Variants in SBF2 observed in about 807,000 individuals in gnomAD.
The protein encoded by SBF2 is myotubularin-related protein 13.
SBF2 carries 112 observed loss-of-function variants against 225.2 expected under a neutral mutation model. The observed-to-expected ratio is 0.50, with a 90% CI of 0.43 to 0.58. SBF2 has a LOEUF of 0.58. Among genes scored for constraint, SBF2 ranks in the 20% least tolerant of loss-of-function variants. The pLI is 0.00. For missense variants in SBF2, 1,996 were observed against 2,206.2 expected, an observed-to-expected ratio of 0.90 and a Z score of 1.91; for synonymous variants, 763 against 773.3, an observed-to-expected ratio of 0.99 and a Z score of 0.22.
At chr11:9,838,526 T>G (rs1002823492) in intron 26 of SBF2, 1 of 152,220 alleles carries the variant, frequency 6.6e-6, no homozygotes, top group Admixed American at 6.5e-5. Flanking sequence ...TTTTCAGAAC[T>G]TCATGCAAAA....
intron 31 of SBF2, chr11:9,808,603 C>CAA: frequency 2.4e-6 from 1 of 412,930 alleles, no homozygotes; most frequent in South Asian, 2.2e-5. Flanking sequence ...GATGGACTGA[C>CAA]AAAACCCAGG....
intron 2 of SBF2, among the ~76,000 whole-genome samples, chr11:10,161,773 C>G (rs2135211588): frequency 6.8e-6 from 1 of 147,460 alleles, no homozygotes; most frequent in East Asian, 2.0e-4. Context: ...CAAGACCAGC[C>G]CAGGCAACAT....
chr11:10,084,079 G>A lies in SBF2; in HGVS notation c.142-41098C>T, dbSNP rs535874919. Among the ~76,000 whole-genome samples, 23 of 152,288 alleles carry A rather than the reference G, an allele frequency of 1.5e-4. No homozygotes were observed. In the South Asian group the frequency reaches 3.9e-3, roughly 26 times the overall value. On this transcript the variant is annotated intron_variant, in intron 2 of 39. Transcript: ENST00000256190. ...TGAACAAACAGTCTGCAAAATGGCA[G>A]AAAATGTTTGCAAAGTATCTATCCA...
At chr11:9,801,250 T>C (rs1345785007) in intron 32 of SBF2, among the ~76,000 whole-genome samples, 1 of 152,226 alleles carries the variant, frequency 6.6e-6, no homozygotes, top group Non-Finnish European at 1.5e-5. Flanking sequence ...CTTAAAAGAC[T>C]AAACTGCATG....
chr11:10,180,667 C>A (rs922279967), intron 2 of SBF2, among the ~76,000 whole-genome samples: 1 of 152,116 alleles, frequency 6.6e-6, no homozygotes, highest in South Asian at 2.1e-4. Flanking sequence ...CTTTCTACCC[C>A]TATCTCTCTC....
Position 9,895,967 on chromosome 11 carries a change from G to T in SBF2, c.1905C>A (p.Leu635=). ...CCCTATAGAAAGCACTGGTCAAAGG[G>T]AGTAATGCTGCGGCAATGTTGTATT... ...LEEYNIAAAL[L]PLTSAFYRKL... Residue 635 remains leucine, a synonymous_variant, in exon 17 of 40, where the codon CTC becomes CTA. Transcript: ENST00000256190. 6.2e-7 allele frequency: 1 copy of T among 1,613,168 alleles called. No individual in the cohort carries two copies. The highest frequency in any genetic ancestry group is 1.1e-5 in the South Asian group (1 of 91,036).
At chr11:10,225,139 G>A (rs779309207) in intron 1 of SBF2, among the ~76,000 whole-genome samples, 1 of 151,986 alleles carries the variant, frequency 6.6e-6, no homozygotes, top group Admixed American at 6.6e-5. Context: ...CGTTGTCCCT[G>A]ATAATCTATG....
intron 2 of SBF2, among the ~76,000 whole-genome samples, chr11:10,175,040 C>A (rs1017630341): frequency 3.9e-5 from 6 of 152,004 alleles, no homozygotes; most frequent in Admixed American, 3.9e-4. Flanking sequence ...ACGACCGATA[C>A]CAGCCGCTGC....
Position 10,247,554 on chromosome 11 carries a change from C to T in SBF2, c.55+46461G>A, listed in dbSNP as rs560000712. 1.7e-3 allele frequency among the ~76,000 whole-genome samples: 260 copies of T among 150,810 alleles called. 3 individuals are homozygous for T. Among genetic ancestry groups the T allele is most frequent in the Middle Eastern group, 7.0e-3 (2 of 286 alleles). On this transcript the variant is annotated intron_variant, in intron 1 of 39. Coordinates refer to ENST00000256190, the MANE Select transcript of SBF2 (RefSeq NM_030962.4). ...AAAAAAAAAAAAAAAATTAGCCAGGCGTGGTGGCAGTCACCTGAAATCCCA... is the reference window on the plus strand; with the variant it reads ...AAAAAAAAAAAAAAAATTAGCCAGGTGTGGTGGCAGTCACCTGAAATCCCA...
chr11:10,100,696 T>C (rs1952256125), intron 2 of SBF2, among the ~76,000 whole-genome samples: 1 of 152,130 alleles, frequency 6.6e-6, no homozygotes, highest in South Asian at 2.1e-4. Flanking sequence ...CCTGATCAGT[T>C]TGGATCCTTC....
At chr11:10,169,331 C>G (rs371257836) in intron 2 of SBF2, among the ~76,000 whole-genome samples, 2 of 152,120 alleles carry the variant, frequency 1.3e-5, no homozygotes, top group African/African-American at 2.4e-5. Flanking sequence ...TCCTCTCCCC[C>G]GCCACACTAC....
intron 1 of SBF2, among the ~76,000 whole-genome samples, chr11:10,286,563 T>C (rs1357682172): frequency 2.0e-5 from 3 of 152,130 alleles, no homozygotes; most frequent in Non-Finnish European, 4.4e-5. Context: ...TTTCACCATG[T>C]TGGCCAGGAT....
At chr11:10,044,619 G>T in intron 2 of SBF2, 1 of 174,508 alleles carries the variant, frequency 5.7e-6, no homozygotes, top group Non-Finnish European at 1.2e-5. Flanking sequence ...CATGCCAGAG[G>T]TGGTGAATTC....
chr11:10,227,039 T>G (rs1372757258), intron 1 of SBF2, among the ~76,000 whole-genome samples: 1 of 152,242 alleles, frequency 6.6e-6, no homozygotes, highest in East Asian at 1.9e-4. Context: ...AGATGGTATT[T>G]CATGGTGGTT....
intron 1 of SBF2, among the ~76,000 whole-genome samples, chr11:10,238,861 C>T (rs950373223): frequency 3.3e-5 from 5 of 150,728 alleles, no homozygotes; most frequent in East Asian, 1.9e-4. Flanking sequence ...TGCGGTGAGC[C>T]GAGATTGCCC....
chr11:9,920,274 G>A (rs942113743), intron 16 of SBF2, among the ~76,000 whole-genome samples: 1 of 151,364 alleles, frequency 6.6e-6, no homozygotes, highest in Admixed American at 6.6e-5. Flanking sequence ...TTTTTGGCAT[G>A]GAAAAACAGG....
intron 2 of SBF2, among the ~76,000 whole-genome samples, chr11:10,088,062 T>C (rs1195511113): frequency 6.6e-6 from 1 of 151,976 alleles, no homozygotes; most frequent in African/African-American, 2.4e-5. Context: ...CTCACTCTGT[T>C]GCCCAGGCTG....
intron 2 of SBF2, among the ~76,000 whole-genome samples, chr11:10,073,709 A>G (rs1219427837): frequency 6.6e-6 from 1 of 152,174 alleles, no homozygotes; most frequent in African/African-American, 2.4e-5. Flanking sequence ...TGGGAGACAG[A>G]GTGCGGCTCC....
chr11:9,861,612 T>C (rs1482851042), intron 17 of SBF2, among the ~76,000 whole-genome samples: 1 of 145,210 alleles, frequency 6.9e-6, no homozygotes, highest in African/African-American at 2.6e-5. Flanking sequence ...TGCAGTGAGC[T>C]GAGATCGCGC....
Sources: gnomAD v4.1 joint callset for allele counts (sites outside exome capture counted in the v4.1 genomes callset) on GRCh38, gnomAD v4.1.1 for gene constraint, MANE v1.5 for transcripts, NCBI Gene and HGNC (gene_info 2026-07-23, HGNC 2026-07-21) for gene names.